ZMYM2: variants seen among roughly 807,000 people sequenced by gnomAD.
ZMYM2 encodes zinc finger MYM-type protein 2.
Under a neutral mutation model 162.8 loss-of-function variants are expected in ZMYM2, and 56 were observed. The observed-to-expected ratio is 0.34, with a 90% CI of 0.28 to 0.43. ZMYM2 has a LOEUF of 0.43. Ranked by LOEUF, ZMYM2 falls within the 20% of genes least tolerant of loss-of-function variation. The pLI, the probability that ZMYM2 is intolerant of heterozygous loss-of-function variation, is 1.00. For missense variants in ZMYM2, 1,275 were observed against 1,621.8 expected, an observed-to-expected ratio of 0.79 and a Z score of 3.67; for synonymous variants, 510 against 541.6, an observed-to-expected ratio of 0.94 and a Z score of 0.81.
chr13:19,969,835 C>G (rs569881080), intron 2 of ZMYM2, among the ~76,000 whole-genome samples: 4 of 150,580 alleles, frequency 2.7e-5, no homozygotes, highest in African/African-American at 9.8e-5. Context: ...TTAAAGCAAT[C>G]TGAAACATTT....
At chr13:19,912,292 G>GTTTTTTTTTTT in the ZMYM2 span, among the ~76,000 whole-genome samples, 4 of 75,714 alleles carry the variant, frequency 5.3e-5, no homozygotes, top group African/African-American at 1.0e-4. Context: ...TGTTTTTTGG[G>GTTTTTTTTTTT]TTTTTTTTTT....
intron 7 of ZMYM2, chr13:20,019,946 G>T: frequency 1.8e-5 from 1 of 55,802 alleles, no homozygotes; most frequent in Non-Finnish European, 3.1e-5. Flanking sequence ...GTGCCTACCT[G>T]AAAAGTTAAA....
At chr13:19,924,817 A>G in the ZMYM2 span, among the ~76,000 whole-genome samples, 1 of 151,836 alleles carries the variant, frequency 6.6e-6, no homozygotes, top group Non-Finnish European at 1.5e-5. Flanking sequence ...ATTCTTCTGG[A>G]TATATACTCA....
At chr13:19,926,885 C>T in the ZMYM2 span, among the ~76,000 whole-genome samples, 1 of 152,156 alleles carries the variant, frequency 6.6e-6, no homozygotes, top group Non-Finnish European at 1.5e-5. Context: ...CCAGTCTGGT[C>T]TCAAACTCCT....
At chr13:20,044,784 T>G (rs896914546) in intron 12 of ZMYM2, among the ~76,000 whole-genome samples, 3 of 151,768 alleles carry the variant, frequency 2.0e-5, no homozygotes, top group African/African-American at 2.4e-5. Context: ...GCGCGGCGGC[T>G]CACTCCTGTA....
At chr13:19,915,383 C>A in the ZMYM2 span, among the ~76,000 whole-genome samples, 1 of 151,540 alleles carries the variant, frequency 6.6e-6, no homozygotes, top group Admixed American at 6.6e-5. Flanking sequence ...GCATGAGCCA[C>A]CATGCCTGCA....
chr13:20,042,225 A>G lies in ZMYM2; in HGVS notation c.2292+5316A>G, dbSNP rs528849878. The stretch of plus-strand genomic sequence containing the variant: ...GTTATAGATTTGGTCTCTTTACGTA[A>G]TGCCATATTTCCTGGAGGTTTTGCT... On this transcript the variant is annotated intron_variant, in intron 12 of 24. Transcript: ENST00000610343. Among the ~76,000 whole-genome samples, 286 of 152,184 alleles carry G rather than the reference A, an allele frequency of 1.9e-3. 1 individual carries two copies. The highest frequency in any genetic ancestry group is 6.6e-3 in the African/African-American group (274 of 41,538).
At chr13:20,031,265 A>C in intron 9 of ZMYM2, 54 bp from the exon 10 acceptor site, 1 of 1,263,500 alleles carries the variant, frequency 7.9e-7, no homozygotes, top group Non-Finnish European at 1.1e-6. Flanking sequence ...AGTAATCACA[A>C]ATAGAAATTC....
chr13:19,897,214 A>C, the ZMYM2 span, among the ~76,000 whole-genome samples: 2 of 152,178 alleles, frequency 1.3e-5, no homozygotes, highest in East Asian at 3.8e-4. Context: ...TTAGAGACAA[A>C]AAAAGTTATA....
chr13:19,994,947 C>A (rs1011594727), intron 3 of ZMYM2, among the ~76,000 whole-genome samples: 1 of 151,216 alleles, frequency 6.6e-6, no homozygotes, highest in Non-Finnish European at 1.5e-5. Context: ...ATCCTTCCAT[C>A]GCAGCCTCCA....
the ZMYM2 span, among the ~76,000 whole-genome samples, chr13:19,876,663 T>A: frequency 3.3e-5 from 5 of 152,192 alleles, no homozygotes; most frequent in African/African-American, 1.2e-4. Context: ...ATATAAAATT[T>A]ACCCTATTAA....
intron 5 of ZMYM2, among the ~76,000 whole-genome samples, chr13:20,005,587 A>G (rs1950677082): frequency 6.6e-6 from 1 of 152,186 alleles, no homozygotes; most frequent in African/African-American, 2.4e-5. Context: ...CACAAGAAAT[A>G]CTACAAATAA....
chr13:20,028,298 T>G (rs765530581), intron 9 of ZMYM2, among the ~76,000 whole-genome samples: 1 of 152,138 alleles, frequency 6.6e-6, no homozygotes, highest in Non-Finnish European at 1.5e-5. Context: ...GTGGTAGATA[T>G]TGCTTTTGCC....
intron 1 of ZMYM2, among the ~76,000 whole-genome samples, chr13:19,959,149 CAGCGGCGGGGGTCGCGGGGCCGGCGG>C (rs1205624723): frequency 6.8e-6 from 1 of 148,130 alleles, no homozygotes; most frequent in African/African-American, 2.5e-5. Context: ...AGGCGGCCGC[CAGCGGCGGGGGTCGCGGGGCCGGCGG>C]GGCGGCGGGA....
At chr13:19,905,238 C>A in the ZMYM2 span, among the ~76,000 whole-genome samples, 3 of 152,060 alleles carry the variant, frequency 2.0e-5, no homozygotes, top group African/African-American at 7.2e-5. Flanking sequence ...GTCTGGAACT[C>A]CTGACCTCAA....
chr13:20,076,862 A>C (rs967200820), intron 21 of ZMYM2, among the ~76,000 whole-genome samples: 1 of 150,004 alleles, frequency 6.7e-6, no homozygotes, highest in Non-Finnish European at 1.5e-5. Flanking sequence ...TTTGAGACGG[A>C]GTTTCACTCT....
At chr13:20,000,762 A>G (rs761401183) in intron 3 of ZMYM2, among the ~76,000 whole-genome samples, 12 of 152,250 alleles carry the variant, frequency 7.9e-5, no homozygotes, top group African/African-American at 2.4e-4. Flanking sequence ...TGCTACCACA[A>G]TATTCATTCT....
chr13:19,928,880 G>C, the ZMYM2 span, among the ~76,000 whole-genome samples: 357 of 152,134 alleles, frequency 2.3e-3, no homozygotes, highest in African/African-American at 8.4e-3. Context: ...CCTGACCTCA[G>C]GCGTTCCACC....
the ZMYM2 span, among the ~76,000 whole-genome samples, chr13:19,899,836 A>G: frequency 4.5e-4 from 54 of 120,892 alleles, 1 homozygote; most frequent in African/African-American, 7.8e-4. Context: ...AAAAAAAAAA[A>G]AAGGAAAACA....
Sources: allele counts gnomAD v4.1 joint callset (sites outside exome capture counted in the v4.1 genomes callset), GRCh38; gene constraint gnomAD v4.1.1; transcripts MANE v1.5; gene names NCBI Gene and HGNC (gene_info 2026-07-23, HGNC 2026-07-21).